The following KIF26A variants were observed in gnomAD, a reference collection of about 807,000 sequenced individuals.
The protein encoded by KIF26A is kinesin family member 26A.
KIF26A carries 74 observed loss-of-function variants against 126.0 expected under a neutral mutation model. The ratio of observed to expected loss-of-function variants is 0.59; its 90% confidence interval spans 0.49 to 0.71. The LOEUF (loss-of-function observed/expected upper bound fraction) is 0.71, where lower values mean the gene tolerates loss of function less well. KIF26A is among the 30% of genes least tolerant of loss of function. The pLI, the probability that KIF26A is intolerant of heterozygous loss-of-function variation, is 0.00. For synonymous variants in KIF26A, 1,445 were observed against 1,232.7 expected (o/e 1.17, Z -3.61); for missense variants, 2,984 against 2,763.3 (o/e 1.08, Z -1.79).
rs1019550351 is a variant in KIF26A at position 104,171,747 on chromosome 14, C to T, written c.1138C>T (p.Pro380Ser). Reference sequence around the variant, plus strand: ...GGTGAAGGTTATGCTGCGGATCTGGCCCGCACAGGGGGCCCAGCGCTCGGC... The same window carrying T: ...GGTGAAGGTTATGCTGCGGATCTGGTCCGCACAGGGGGCCCAGCGCTCGGC... ...GKVKVMLRIW[P>S]AQGAQRSAEA... is the part of the protein sequence containing the mutation. The change falls in exon 6 of 15, where the codon CCC becomes TCC. Residue 380 changes from proline (P) to serine (S), a missense_variant. By Grantham distance (74) the Pro-to-Ser change is moderately conservative (BLOSUM62 -1). Transcript: ENST00000423312. The T allele has an allele frequency of 6.3e-7, 1 of 1,578,422 alleles. No homozygotes were observed.
chr14:104,150,662 C>T (rs923817379), intron 2 of KIF26A, among the ~76,000 whole-genome samples: 2 of 152,116 alleles, frequency 1.3e-5, no homozygotes, highest in African/African-American at 2.4e-5. Context: ...GAAATGGGCA[C>T]GTTTGAGAAG....
chr14:104,150,146 C>CCCTCCT (rs1227743473), intron 2 of KIF26A, among the ~76,000 whole-genome samples: 1 of 119,304 alleles, frequency 8.4e-6, no homozygotes, highest in African/African-American at 3.0e-5. Context: ...GTCCCCCTCC[C>CCCTCCT]CCTCCTCCTC....
chr14:104,176,986 G>A lies in KIF26A; in HGVS notation c.4198G>A (p.Glu1400Lys). 3 of 1,540,662 alleles carry A rather than the reference G, an allele frequency of 1.9e-6. No homozygotes were observed. The highest frequency in any genetic ancestry group is 2.6e-6 in the Non-Finnish European group (3 of 1,149,348). ...VGAAAVLRGE[E>K]EPRPSSRADH... The stretch of plus-strand genomic sequence containing the variant: ...GGCTGCTGCTGTCCTTCGAGGGGAG[G>A]AGGAGCCCAGACCCAGCAGCCGGGC... The change falls in exon 12 of 15, where the codon GAG (glutamate) becomes AAG (lysine). Residue 1400 changes from glutamate (E) to lysine (K), a missense_variant. Coordinates refer to ENST00000423312, the MANE Select transcript of KIF26A (RefSeq NM_015656.2).
rs2038087503 is a variant in KIF26A at position 104,180,206 on chromosome 14, T to TA, written c.*417dup. ...AGTTTTTGTGGAGTGGAGTGGGACT[T>TA]ACCTGCACGCCCCAGGGGTCTTTCA... On this transcript the variant is annotated 3_prime_UTR_variant, in exon 15 of 15. Coordinates refer to ENST00000423312, the MANE Select transcript of KIF26A (RefSeq NM_015656.2). 1 of 165,762 alleles carries TA rather than the reference T, an allele frequency of 6.0e-6. No individual in the cohort carries two copies. Among genetic ancestry groups the TA allele is most frequent in the Non-Finnish European group, 1.3e-5 (1 of 77,464 alleles). 10.3% of individuals were successfully genotyped at this position (165,762 alleles called of 1,614,324 possible).
intron 4 of KIF26A, among the ~76,000 whole-genome samples, chr14:104,166,149 C>G (rs1008168036): frequency 1.5e-4 from 23 of 151,352 alleles, no homozygotes; most frequent in Non-Finnish European, 2.9e-4. Flanking sequence ...AGCGGGGGCA[C>G]TTCCCAGCAG....
At chr14:104,156,920 C>T (rs1408307116) in intron 3 of KIF26A, among the ~76,000 whole-genome samples, 1 of 152,124 alleles carries the variant, frequency 6.6e-6, no homozygotes, top group Non-Finnish European at 1.5e-5. Flanking sequence ...ACCTGGGTGA[C>T]CGTGACCTGA....
chr14:104,173,196 C>G lies in KIF26A; in HGVS notation c.1640C>G (p.Ser547Cys). 6.2e-7 allele frequency: 1 copy of G among 1,611,634 alleles called. No homozygotes were observed. The highest frequency in any genetic ancestry group is 1.1e-5 in the South Asian group (1 of 91,000). The change falls in exon 8 of 15, where the codon TCT becomes TGT. Residue 547 changes from serine (S) to cysteine (C), a missense_variant. Ser to Cys is a moderately radical substitution (Grantham distance 112). Transcript: ENST00000423312. Reference protein sequence around the residue: ...VAPGSLQDTQSPGVYLREDPV... With the variant: ...VAPGSLQDTQCPGVYLREDPV... Reference sequence around the variant, plus strand: ...CCTGGCAGCCTCCAGGACACCCAGTCTCCGGGAGTGTACCTGCGGGAGGAC... The same window carrying G: ...CCTGGCAGCCTCCAGGACACCCAGTGTCCGGGAGTGTACCTGCGGGAGGAC...
rs755446474 is a variant in KIF26A, at chr14:104,176,830, C to G, written c.4042C>G (p.Pro1348Ala). Residue 1348 changes from proline to alanine, a missense_variant, in exon 12 of 15, where the codon CCC becomes GCC. Transcript: ENST00000423312. ...CCCCACCAGCAAGAAGGGTCTGGCTCCCAAGGCGGGCTTCCTCCCGAGGCC... is the reference window on the plus strand; with the variant it reads ...CCCCACCAGCAAGAAGGGTCTGGCTGCCAAGGCGGGCTTCCTCCCGAGGCC... ...ASPTSKKGLAPKAGFLPRPSG... is the reference protein window; with the variant it reads ...ASPTSKKGLAAKAGFLPRPSG... The G allele has an allele frequency of 6.4e-7, 1 of 1,550,630 alleles. No individual in the cohort carries two copies. The highest frequency in any genetic ancestry group is 1.2e-5 in the South Asian group (1 of 83,516).
chr14:104,155,723 G>A (rs543867490), intron 3 of KIF26A, among the ~76,000 whole-genome samples: 17 of 152,372 alleles, frequency 1.1e-4, no homozygotes, highest in African/African-American at 4.1e-4. Flanking sequence ...GCCGAGGCGC[G>A]TGCCGGACTC....
intron 2 of KIF26A, among the ~76,000 whole-genome samples, chr14:104,144,395 CCT>C (rs879553585): frequency 1.3e-5 from 2 of 152,118 alleles, no homozygotes; most frequent in Non-Finnish European, 2.9e-5. Context: ...GGCCTCACTG[CCT>C]CTCTGCTGCC....
chr14:104,156,281 AGGTGAGG>A (rs2037776615), intron 3 of KIF26A, among the ~76,000 whole-genome samples: 1 of 152,144 alleles, frequency 6.6e-6, no homozygotes, highest in African/African-American at 2.4e-5. Context: ...TTCACACTTG[AGGTGAGG>A]GAGTGGCTGG....
rs2037611816 is a variant in KIF26A, at chr14:104,139,104, G to T, written c.104G>T (p.Arg35Met). ...PPLLEVSPRK[R>M]LPAGPDQDPC... ...CTGCTGGAGGTGTCCCCCCGAAAGA[G>T]GCTACCCGCCGGGCCCGACCAGGAC... The change falls in exon 2 of 15, where the codon AGG (arginine) becomes ATG (methionine). Residue 35 changes from arginine to methionine, a missense_variant. Physicochemically the swap from Arg to Met is moderately conservative, Grantham distance 91 (BLOSUM62 -1). Transcript: ENST00000423312. The T allele has an allele frequency of 6.8e-7, 1 of 1,471,914 alleles. No homozygotes were observed. The highest frequency in any genetic ancestry group is 9.0e-7 in the Non-Finnish European group (1 of 1,113,760). 91.2% of individuals were successfully genotyped at this position (1,471,914 alleles called of 1,614,324 possible).
chr14:104,138,938 G>A, intron 1 of KIF26A, 105 bp from the exon 2 acceptor site: 1 of 1,294,358 alleles, frequency 7.7e-7, no homozygotes, highest in African/African-American at 1.6e-5. Context: ...CGTGCCCAGG[G>A]CTCCTAACTT....
At chr14:104,161,565 A>G in intron 4 of KIF26A, among the ~76,000 whole-genome samples, 1 of 152,218 alleles carries the variant, frequency 6.6e-6, no homozygotes, top group East Asian at 1.9e-4. Context: ...AGCCCAGGCA[A>G]GGCTGTGGGA....
Position 104,173,157 on chromosome 14 carries a change from T to C in KIF26A, c.1601T>C (p.Leu534Pro). ...CGCGACCAGAGCCTGCGGGACCTGC[T>C]GGCCGAGGTGGCCCCTGGCAGCCTC... ...CGRDQSLRDLLAEVAPGSLQD... is the reference protein window; with the variant it reads ...CGRDQSLRDLPAEVAPGSLQD... Residue 534 changes from leucine to proline, a missense_variant, in exon 8 of 15, where the codon CTG becomes CCG. Leu to Pro is a moderately conservative substitution (Grantham distance 98, BLOSUM62 -3). Coordinates refer to ENST00000423312, the MANE Select transcript of KIF26A (RefSeq NM_015656.2). 1 of 1,611,212 alleles carries C rather than the reference T, an allele frequency of 6.2e-7. No individual in the cohort carries two copies. The highest frequency in any genetic ancestry group is 8.5e-7 in the Non-Finnish European group (1 of 1,179,344).
chr14:104,175,434 G>C lies in KIF26A; in HGVS notation c.2646G>C (p.Glu882Asp). 1 of 1,592,692 alleles carries C rather than the reference G, an allele frequency of 6.3e-7. No homozygotes were observed. Among genetic ancestry groups the C allele is most frequent in the African/African-American group, 1.3e-5 (1 of 74,904 alleles). Residue 882 changes from glutamate (E) to aspartate (D), a missense_variant, in exon 12 of 15, where the codon GAG becomes GAC. Transcript: ENST00000423312. ...GGGGCCGGAAGCCCTCGCCACCAGA[G>C]GCTGCATCCCCCAGGAAGGCCGTGG... The part of the protein sequence containing the change: ...ARGGRKPSPP[E>D]AASPRKAVGT...
chr14:104,179,632 C>T lies in KIF26A; in HGVS notation c.5491C>T (p.Pro1831Ser). The stretch of plus-strand genomic sequence containing the variant: ...AGTTGAGGTGGACCCGGAGCTGGAG[C>T]CCGAGTCGGCCGAGTACCTGGCGGC... ...EQFEVDPELE[P>S]ESAEYLAALE... Residue 1831 changes from proline (P) to serine (S), a missense_variant, in exon 15 of 15, where the codon CCC becomes TCC. Pro to Ser is a moderately conservative substitution (Grantham distance 74, BLOSUM62 -1). Transcript: ENST00000423312. 1 of 1,539,340 alleles carries T rather than the reference C, an allele frequency of 6.5e-7. No individual in the cohort carries two copies. Among genetic ancestry groups the T allele is most frequent in the Non-Finnish European group, 8.8e-7 (1 of 1,141,456 alleles).
Position 104,138,744 on chromosome 14 carries a change from CTG to C in KIF26A, c.25_26del (p.Cys9ArgfsTer117). 1 of 1,271,054 alleles carries C rather than the reference CTG, an allele frequency of 7.9e-7. No individual in the cohort carries two copies. Among genetic ancestry groups the C allele is most frequent in the Non-Finnish European group, 9.9e-7 (1 of 1,011,194 alleles). The allele number at this position is 1,271,054 out of a possible 1,614,324, so 78.7% of individuals were successfully genotyped here. A position where few individuals can be genotyped will look rare whatever the true frequency, so the allele number is the denominator to read the frequency against. On this transcript the variant is annotated frameshift_variant, in exon 1 of 15. Coordinates refer to ENST00000423312, the MANE Select transcript of KIF26A (RefSeq NM_015656.2). LOFTEE classifies it high-confidence loss of function. MVGRGVPLCAAQPAVAEG... is the reference protein window; with the variant it reads MVGRGVPXCAAQPAVAEG... ...GGCCATGGTCGGCCGCGGCGTCCCT[CTG>C]TGCGCTGCGCAGCCCGCGGTACGCG...
chr14:104,156,282 G>T (rs2037776595), intron 3 of KIF26A, among the ~76,000 whole-genome samples: 1 of 152,248 alleles, frequency 6.6e-6, no homozygotes, highest in Non-Finnish European at 1.5e-5. Context: ...TCACACTTGA[G>T]GTGAGGGAGT....
Sources: allele counts gnomAD v4.1 joint callset (sites outside exome capture counted in the v4.1 genomes callset), GRCh38; gene constraint gnomAD v4.1.1; transcripts MANE v1.5; gene names NCBI Gene and HGNC (gene_info 2026-07-23, HGNC 2026-07-21).